Variants in R3HDM2 observed in about 807,000 individuals in gnomAD.
The protein encoded by R3HDM2 is R3H domain-containing protein 2.
A neutral mutation model predicts 124.5 loss-of-function variants in R3HDM2; 38 were observed. The ratio of observed to expected loss-of-function variants is 0.31; its 90% confidence interval spans 0.24 to 0.40. The LOEUF (loss-of-function observed/expected upper bound fraction) is 0.40. Among genes scored for constraint, R3HDM2 ranks in the 10% least tolerant of loss-of-function variants. R3HDM2 has a pLI of 1.00. For missense variants in R3HDM2, 869 were observed against 1,236.9 expected (o/e 0.70, Z 4.46); for synonymous variants, 391 against 448.0 (o/e 0.87, Z 1.61).
intron 1 of R3HDM2, among the ~76,000 whole-genome samples, chr12:57,405,959 A>C (rs2068488516): frequency 6.6e-6 from 1 of 152,172 alleles, no homozygotes; most frequent in Non-Finnish European, 1.5e-5. Context: ...TCACATCCAA[A>C]GGACATAGGA....
Position 57,277,595 on chromosome 12 carries a change from G to A in R3HDM2, c.1344+2763C>T, listed in dbSNP as rs1049609065. ...CCCAAGAAGCTGGGATTACAGATGT[G>A]CACCACCACACCCAGCTAATTTCTG... On this transcript the variant is annotated intron_variant, in intron 14 of 23. Transcript: ENST00000402412. Among the ~76,000 whole-genome samples, 11 of 152,060 alleles carry A rather than the reference G, an allele frequency of 7.2e-5. No homozygotes were observed. In the East Asian group the frequency reaches 1.3e-3, roughly 19 times the overall value.
intron 1 of R3HDM2, among the ~76,000 whole-genome samples, chr12:57,402,097 C>A (rs1051714889): frequency 1.3e-5 from 2 of 151,994 alleles, no homozygotes; most frequent in African/African-American, 2.4e-5. Flanking sequence ...GAGTTAGAGA[C>A]CATCCTGGCC....
chr12:57,278,460 A>G (rs2045370921), intron 14 of R3HDM2, among the ~76,000 whole-genome samples: 1 of 152,192 alleles, frequency 6.6e-6, no homozygotes, highest in Non-Finnish European at 1.5e-5. Flanking sequence ...AGAGGGAGAA[A>G]AGGGAGCAAG....
intron 2 of R3HDM2, among the ~76,000 whole-genome samples, chr12:57,313,882 GAAAAAAAAAAAAAA>G (rs869177467): frequency 3.3e-5 from 2 of 60,494 alleles, no homozygotes; most frequent in Admixed American, 4.4e-4. Flanking sequence ...TCCTGTCTCT[GAAAAAAAAAAAAAA>G]AAAAAAAAAA....
At chr12:57,386,431 G>C (rs937920099) in intron 2 of R3HDM2, among the ~76,000 whole-genome samples, 6 of 152,254 alleles carry the variant, frequency 3.9e-5, no homozygotes, top group Non-Finnish European at 5.9e-5. Flanking sequence ...CGCCCACCAG[G>C]GCAGTGAGGG....
intron 2 of R3HDM2, among the ~76,000 whole-genome samples, chr12:57,331,003 C>T (rs893758592): frequency 1.3e-5 from 2 of 152,032 alleles, no homozygotes; most frequent in African/African-American, 4.8e-5. Context: ...CGGCCGGAAT[C>T]TTTAGGGTTT....
At chr12:57,422,279 T>G (rs1023683471) in intron 1 of R3HDM2, among the ~76,000 whole-genome samples, 7 of 152,110 alleles carry the variant, frequency 4.6e-5, no homozygotes, top group Non-Finnish European at 8.8e-5. Flanking sequence ...AGTAAATCCT[T>G]CAGTAGCTTT....
chr12:57,311,122 T>C (rs2053815403), intron 2 of R3HDM2, among the ~76,000 whole-genome samples: 1 of 152,052 alleles, frequency 6.6e-6, no homozygotes, highest in Non-Finnish European at 1.5e-5. Flanking sequence ...CTTTCACAGC[T>C]ACCACAAACC....
At chr12:57,419,945 G>A (rs1316572172) in intron 1 of R3HDM2, among the ~76,000 whole-genome samples, 6 of 151,856 alleles carry the variant, frequency 4.0e-5, no homozygotes, top group African/African-American at 7.3e-5. Flanking sequence ...CCTGCCTTAC[G>A]CTAAGACATC....
At chr12:57,336,494 T>C (rs1186667112) in intron 2 of R3HDM2, among the ~76,000 whole-genome samples, 2 of 152,146 alleles carry the variant, frequency 1.3e-5, no homozygotes, top group African/African-American at 2.4e-5. Flanking sequence ...TAAAAAAGAA[T>C]GAGATAATGT....
chr12:57,408,149 T>G (rs1019667261), intron 1 of R3HDM2, among the ~76,000 whole-genome samples: 1 of 152,164 alleles, frequency 6.6e-6, no homozygotes, highest in Non-Finnish European at 1.5e-5. Flanking sequence ...CAGGCTGATC[T>G]CGAACTCCTA....
intron 19 of R3HDM2, among the ~76,000 whole-genome samples, chr12:57,265,621 T>A (rs1056699987): frequency 5.9e-5 from 9 of 151,934 alleles, no homozygotes; most frequent in Middle Eastern, 3.4e-3. Flanking sequence ...GCAACCAATG[T>A]CATTTCTTTT....
At chr12:57,284,089 A>T in intron 12 of R3HDM2, 33 bp from the exon 13 acceptor site, 1 of 1,540,478 alleles carries the variant, frequency 6.5e-7, no homozygotes, top group Non-Finnish European at 8.8e-7. Context: ...AGCACCTCCC[A>T]CCCACCACTT....
chr12:57,360,478 T>A (rs956519439), intron 2 of R3HDM2, among the ~76,000 whole-genome samples: 21 of 151,620 alleles, frequency 1.4e-4, no homozygotes, highest in Admixed American at 2.6e-4. Context: ...CTAAAAAAAA[T>A]TTTTTTTTAA....
At chr12:57,374,535 T>C (rs1420973872) in intron 2 of R3HDM2, among the ~76,000 whole-genome samples, 1 of 149,910 alleles carries the variant, frequency 6.7e-6, no homozygotes, top group Admixed American at 6.7e-5. Flanking sequence ...TACAAAAAAT[T>C]AGCCAGGCAT....
At chr12:57,345,500 TACAC>T (rs55903347) in intron 2 of R3HDM2, among the ~76,000 whole-genome samples, 7,468 of 147,518 alleles carry the variant, frequency 0.051, 207 homozygotes, top group Middle Eastern at 0.1. Flanking sequence ...ATTTCTTTTA[TACAC>T]ACACACACAC....
Position 57,255,042 on chromosome 12 carries a change from T to C in R3HDM2, c.2704A>G (p.Thr902Ala). Residue 902 changes from threonine (T) to alanine (A), a missense_variant, in exon 24 of 24, where the codon ACG becomes GCG. Thr to Ala is a moderately conservative substitution (Grantham distance 58, BLOSUM62 0). Transcript: ENST00000402412. ...TTGGCGCCAGACATGGCGAGCTGCG[T>C]GAAGAGTTTGTCCGCCTCAGTACGG... ...ITRTEADKLF[T>A]QLAMSGAKIQ... 2 of 1,583,456 alleles carry C rather than the reference T, an allele frequency of 1.3e-6. No homozygotes were observed.
intron 21 of R3HDM2, among the ~76,000 whole-genome samples, chr12:57,257,666 C>A (rs2039466883): frequency 6.6e-6 from 1 of 152,202 alleles, no homozygotes; most frequent in Admixed American, 6.5e-5. Context: ...ATCCCACATT[C>A]CCAGCCCTCA....
chr12:57,318,730 AC>A (rs2055724781), intron 2 of R3HDM2, among the ~76,000 whole-genome samples: 1 of 152,034 alleles, frequency 6.6e-6, no homozygotes. Flanking sequence ...ATCAGCTAAA[AC>A]TTTTGAGTGC....
Sources: allele counts gnomAD v4.1 joint callset (sites outside exome capture counted in the v4.1 genomes callset), GRCh38; gene constraint gnomAD v4.1.1; transcripts MANE v1.5; gene names NCBI Gene and HGNC (gene_info 2026-07-23, HGNC 2026-07-21).